The following PPP4R2 variants were observed in gnomAD, a reference collection of about 807,000 sequenced individuals.
PPP4R2 encodes the protein protein phosphatase 4 regulatory subunit 2, also known as serine/threonine-protein phosphatase 4 regulatory subunit 2.
PPP4R2 carries 13 observed loss-of-function variants against 47.2 expected under a neutral mutation model. That is an observed-to-expected ratio of 0.28 (90% CI 0.18 to 0.44). The LOEUF (loss-of-function observed/expected upper bound fraction) is 0.44, where lower values mean the gene tolerates loss of function less well. PPP4R2 is among the 20% of genes least tolerant of loss of function. PPP4R2 has a pLI of 1.00. For synonymous variants in PPP4R2, 151 were observed against 163.3 expected, an observed-to-expected ratio of 0.92 and a Z score of 0.57; for missense variants, 421 against 491.2, an observed-to-expected ratio of 0.86 and a Z score of 1.35.
chr3:73,021,224 TAA>T (rs35425751), intron 2 of PPP4R2, among the ~76,000 whole-genome samples: 46 of 146,720 alleles, frequency 3.1e-4, no homozygotes, highest in African/African-American at 9.3e-4. Flanking sequence ...TTTATTTCAT[TAA>T]AAAAAAATTT....
At chr3:73,000,806 T>A (rs1436814281) in intron 2 of PPP4R2, among the ~76,000 whole-genome samples, 2 of 152,248 alleles carry the variant, frequency 1.3e-5, no homozygotes, top group Non-Finnish European at 2.9e-5. Flanking sequence ...TCTGACATCA[T>A]GCTAAATATA....
At chr3:73,059,207 T>A in intron 4 of PPP4R2, 77 bp downstream of exon 4, 1 of 718,278 alleles carries the variant, frequency 1.4e-6, no homozygotes, top group Non-Finnish European at 2.3e-6. Context: ...TTGAGTAAGA[T>A]CTGTTTCGGG....
chr3:72,997,217 G>C (rs980877667), intron 1 of PPP4R2, 146 bp downstream of exon 1: 1 of 536,570 alleles, frequency 1.9e-6, no homozygotes, highest in Non-Finnish European at 3.0e-6. Flanking sequence ...CACCTCCCCA[G>C]GGGCGGGGAG....
Position 73,052,307 on chromosome 3 carries a change from G to A in PPP4R2, c.287+4951G>A, listed in dbSNP as rs75665404. ...TACTTTGGAACTTTAAAATTTCATA[G>A]AAGATGGATTATAACTACTCTCCAA... On this transcript the variant is annotated intron_variant, in intron 3 of 8. Transcript: ENST00000356692. Among the ~76,000 whole-genome samples the A allele has an allele frequency of 1.1e-3, 157 of 139,538 alleles. 3 individuals carry two copies. The highest frequency in any genetic ancestry group is 3.2e-3 in the African/African-American group (117 of 36,656). The allele number at this position is 139,538 out of a possible 152,430, so 91.5% of individuals were successfully genotyped here.
At position 73,067,102 on chromosome 3, in the gene PPP4R2, G is replaced by A. The variant is rs1290254012; in HGVS notation, c.*1380G>A. ...AATGTGTTCACTGCCTTTGTGAAGC[G>A]GTATATAATTGTATAATTTCTGTGT... On this transcript the variant is annotated 3_prime_UTR_variant, in exon 9 of 9. Transcript: ENST00000356692. 1 of 151,942 alleles carries A rather than the reference G, an allele frequency of 6.6e-6. No individual in the cohort carries two copies. Among genetic ancestry groups the A allele is most frequent in the Admixed American group, 6.6e-5 (1 of 15,248 alleles). 9.4% of individuals were successfully genotyped at this position (151,942 alleles called of 1,614,324 possible).
chr3:73,034,722 G>A (rs1459099919), intron 2 of PPP4R2, among the ~76,000 whole-genome samples: 1 of 151,900 alleles, frequency 6.6e-6, no homozygotes, highest in African/African-American at 2.4e-5. Flanking sequence ...TTGTAGAGAT[G>A]GGATCTCGCT....
intron 2 of PPP4R2, among the ~76,000 whole-genome samples, chr3:73,034,248 A>G (rs1702222108): frequency 6.6e-6 from 1 of 152,140 alleles, no homozygotes; most frequent in Non-Finnish European, 1.5e-5. Context: ...TAAACAATGC[A>G]CCTTTAAAAA....
At chr3:73,035,461 T>C (rs534288252) in intron 2 of PPP4R2, among the ~76,000 whole-genome samples, 1 of 152,210 alleles carries the variant, frequency 6.6e-6, no homozygotes, top group East Asian at 1.9e-4. Context: ...GAAACACTAG[T>C]ACACTGCTAG....
At chr3:73,047,053 G>A (rs1350580498) in intron 2 of PPP4R2, 133 bp from the exon 3 acceptor site, 8 of 573,570 alleles carry the variant, frequency 1.4e-5, no homozygotes, top group Admixed American at 3.5e-5. Context: ...TTCAATGACG[G>A]CATTCTCATT....
chr3:73,005,019 A>T (rs1263340454), intron 2 of PPP4R2, among the ~76,000 whole-genome samples: 1 of 148,714 alleles, frequency 6.7e-6, no homozygotes, highest in African/African-American at 2.5e-5. Context: ...TCTGTTGCCC[A>T]AGCTGGAGTG....
At chr3:73,000,266 T>TGA (rs1441870433) in intron 2 of PPP4R2, among the ~76,000 whole-genome samples, 1 of 152,138 alleles carries the variant, frequency 6.6e-6, no homozygotes, top group African/African-American at 2.4e-5. Flanking sequence ...TGTGGGAGGT[T>TGA]GAGGCTGCAG....
chr3:73,047,617 T>C (rs2107311023), intron 3 of PPP4R2, among the ~76,000 whole-genome samples: 1 of 152,366 alleles, frequency 6.6e-6, no homozygotes, highest in East Asian at 1.9e-4. Flanking sequence ...TTTTCTTTCC[T>C]GTTTTATATT....
intron 2 of PPP4R2, among the ~76,000 whole-genome samples, chr3:73,001,389 C>T (rs1006665966): frequency 2.0e-5 from 3 of 151,938 alleles, no homozygotes; most frequent in Non-Finnish European, 4.4e-5. Flanking sequence ...CATGGTGAAA[C>T]CCGTCTTTAC....
intron 2 of PPP4R2, among the ~76,000 whole-genome samples, chr3:73,031,516 TG>T (rs1449712916): frequency 3.3e-5 from 5 of 151,900 alleles, no homozygotes; most frequent in African/African-American, 1.2e-4. Flanking sequence ...CACTCCACCC[TG>T]GGCAACAGAG....
chr3:72,999,833 A>G (rs960411157), intron 2 of PPP4R2, among the ~76,000 whole-genome samples: 2 of 152,228 alleles, frequency 1.3e-5, no homozygotes, highest in Non-Finnish European at 2.9e-5. Flanking sequence ...AGATTCTTAT[A>G]TTCAATGGAA....
At chr3:73,061,981 A>G (rs976881118) in intron 5 of PPP4R2, 4 of 788,146 alleles carry the variant, frequency 5.1e-6, no homozygotes, top group Non-Finnish European at 8.0e-6. Context: ...ACATGATAAA[A>G]ATTTCTTTTA....
Position 73,065,110 on chromosome 3 carries a change from G to GGAT in PPP4R2, c.900_902dup (p.Asp300dup). 1 of 1,609,794 alleles carries GGAT rather than the reference G, an allele frequency of 6.2e-7. No individual in the cohort carries two copies. Among genetic ancestry groups the GGAT allele is most frequent in the Non-Finnish European group, 8.5e-7 (1 of 1,178,942 alleles). On this transcript the variant is annotated inframe_insertion, in exon 8 of 9. Transcript: ENST00000356692. ...GTACCCGGCAGCACTGTACAGAAGA[G>GGAT]GATGAAGAAGAGGATGAAGAGGAAG... is the stretch of plus-strand genomic sequence containing the variant.
At chr3:73,042,019 G>A (rs192529454) in intron 2 of PPP4R2, among the ~76,000 whole-genome samples, 2 of 152,154 alleles carry the variant, frequency 1.3e-5, no homozygotes, top group African/African-American at 4.8e-5. Context: ...TGGGAAAATG[G>A]AAGGGGAGAA....
Position 73,063,654 on chromosome 3 carries a change from G to GACT in PPP4R2, c.420-19_420-18insACT. ...AAAAAAAATTAAGTCATCCACAAGT[G>GACT]TATTTTCTTTTCTTATAGGAAAAAC... is the stretch of plus-strand genomic sequence containing the variant. On this transcript the variant is annotated intron_variant, in intron 5 of 8. Transcript: ENST00000356692. 6.9e-7 allele frequency: 1 copy of GACT among 1,447,722 alleles called. No individual in the cohort carries two copies. Among genetic ancestry groups the GACT allele is most frequent in the Non-Finnish European group, 9.7e-7 (1 of 1,030,824 alleles). 89.7% of individuals were successfully genotyped at this position (1,447,722 alleles called of 1,614,324 possible).
Sources: allele counts gnomAD v4.1 joint callset (sites outside exome capture counted in the v4.1 genomes callset), GRCh38; gene constraint gnomAD v4.1.1; transcripts MANE v1.5; gene names NCBI Gene and HGNC (gene_info 2026-07-23, HGNC 2026-07-21).